Variants in DAB2IP observed in about 807,000 individuals in gnomAD.
DAB2IP encodes the protein disabled homolog 2-interacting protein.
Under a neutral mutation model 107.2 loss-of-function variants are expected in DAB2IP, and 28 were observed. The observed-to-expected ratio is 0.26, with a 90% CI of 0.19 to 0.36. DAB2IP has a LOEUF of 0.36. Among genes scored for constraint, DAB2IP ranks in the 10% least tolerant of loss-of-function variants. The pLI, the probability that DAB2IP is intolerant of heterozygous loss-of-function variation, is 1.00. For synonymous variants in DAB2IP, 755 were observed against 706.4 expected (o/e 1.07, Z -1.09); for missense variants, 1,400 against 1,644.7 (o/e 0.85, Z 2.57).
chr9:121,668,907 C>CTTTTTTTTT (rs377320590), intron 1 of DAB2IP, among the ~76,000 whole-genome samples: 2 of 72,154 alleles, frequency 2.8e-5, no homozygotes, highest in African/African-American at 6.0e-5. Flanking sequence ...GTAAGCCTTA[C>CTTTTTTTTT]TTTTTTTTTT....
rs561217283 is a variant in DAB2IP at position 121,635,645 on chromosome 9, C to A, written c.41-43033C>A. Among the ~76,000 whole-genome samples, 1 of 152,300 alleles carries A rather than the reference C, an allele frequency of 6.6e-6. No homozygotes were observed. The highest frequency in any genetic ancestry group is 2.1e-4 in the South Asian group (1 of 4,822). ...GGAAGGAGGGGCGCTGAGATGGGAG[C>A]GAGGCCTTGGACAAGAAAGGATATC... On this transcript the variant is annotated intron_variant, in intron 1 of 16. Coordinates refer to the DAB2IP transcript ENST00000259371. This position sits in a 1 kb window ranked among gnomAD's most constrained non-coding sequence, Gnocchi z 4.3.
Position 121,622,290 on chromosome 9 carries a change from G to A in DAB2IP, c.40+55062G>A, listed in dbSNP as rs187064112. Among the ~76,000 whole-genome samples the A allele has an allele frequency of 2.4e-3, 363 of 152,218 alleles. 9 individuals carry two copies. The highest frequency in any genetic ancestry group is 0.022 in the Admixed American group (331 of 15,290). On this transcript the variant is annotated intron_variant, in intron 1 of 16. Coordinates refer to the DAB2IP transcript ENST00000259371. ...GGCGTGAGCCACCGCACCCGGCCCC[G>A]TTTGTGTTTCTTACCCTCCCCTTGG...
chr9:121,688,724 G>T (rs528721002), intron 2 of DAB2IP, among the ~76,000 whole-genome samples: 1 of 152,342 alleles, frequency 6.6e-6, no homozygotes, highest in South Asian at 2.1e-4. Context: ...TGAACTCCCA[G>T]CACTGGGGCA....
chr9:121,739,088 C>G (rs1832136528), intron 3 of DAB2IP, among the ~76,000 whole-genome samples: 1 of 152,202 alleles, frequency 6.6e-6, no homozygotes, highest in Non-Finnish European at 1.5e-5. Context: ...GCTGCATGAG[C>G]AAGATGCTAT....
At chr9:121,763,756 A>G (rs754053381) in exon 8 of DAB2IP, 2 of 1,614,082 alleles carry the variant, frequency 1.2e-6, no homozygotes, top group Non-Finnish European at 1.7e-6. Context: ...AAAGCGCTGT[A>G]TGAGTCAGAT....
At chr9:121,714,985 C>G (rs1173965078) in intron 3 of DAB2IP, among the ~76,000 whole-genome samples, 2 of 152,252 alleles carry the variant, frequency 1.3e-5, no homozygotes, top group African/African-American at 4.8e-5. Context: ...TTTCTCGTTT[C>G]ACAAGCGAGG....
intron 1 of DAB2IP, among the ~76,000 whole-genome samples, chr9:121,596,868 T>C (rs1277011546): frequency 1.3e-5 from 2 of 152,204 alleles, no homozygotes; most frequent in Non-Finnish European, 2.9e-5. Context: ...CACAGGACAG[T>C]TCTCCAGACT....
intron 2 of DAB2IP, among the ~76,000 whole-genome samples, chr9:121,681,853 G>A (rs1345528333): frequency 6.6e-6 from 1 of 152,162 alleles, no homozygotes; most frequent in Non-Finnish European, 1.5e-5. Context: ...GAGCCTCTCC[G>A]AGCCTTGTGT....
chr9:121,677,235 G>T lies in DAB2IP; in HGVS notation c.125-1443G>T, dbSNP rs529257578. On this transcript the variant is annotated intron_variant, in intron 1 of 15. Coordinates refer to ENST00000408936, the Ensembl canonical transcript of DAB2IP. ...CAGATTCTCATGTTTGAAAAAACGT[G>T]GGGGCTGACATAGTGGCTGAGCCCT... Among the ~76,000 whole-genome samples, 5 of 152,314 alleles carry T rather than the reference G, an allele frequency of 3.3e-5. No homozygotes were observed. The East Asian group carries it at 9.7e-4, about 29-fold the overall frequency.
At chr9:121,615,326 C>T (rs1260604068) in intron 1 of DAB2IP, among the ~76,000 whole-genome samples, 1 of 152,198 alleles carries the variant, frequency 6.6e-6, no homozygotes, top group Non-Finnish European at 1.5e-5. Context: ...TTGTTTACTC[C>T]AGAACTTTCC....
chr9:121,595,332 C>A (rs1026079417), intron 1 of DAB2IP, among the ~76,000 whole-genome samples: 11 of 152,012 alleles, frequency 7.2e-5, no homozygotes, highest in African/African-American at 2.7e-4. Flanking sequence ...GTGGCTTATA[C>A]CTGTAATCCC....
chr9:121,675,932 G>A (rs1162816138), intron 1 of DAB2IP, among the ~76,000 whole-genome samples: 2 of 152,184 alleles, frequency 1.3e-5, no homozygotes, highest in African/African-American at 4.8e-5. Flanking sequence ...AGAAAGAGTG[G>A]TTATCCCCTG....
chr9:121,669,823 T>C lies in DAB2IP; in HGVS notation c.125-8855T>C, dbSNP rs116381226. On this transcript the variant is annotated intron_variant, in intron 1 of 15. Transcript: ENST00000408936. ...GGCCTCAGAGTAACCTTGTCTGAGGTTGTGTCTTTTGCGATTATGTCTAAA... is the reference window on the plus strand; with the variant it reads ...GGCCTCAGAGTAACCTTGTCTGAGGCTGTGTCTTTTGCGATTATGTCTAAA... Among the ~76,000 whole-genome samples, 1,050 of 152,278 alleles carry C rather than the reference T, an allele frequency of 6.9e-3. 13 individuals carry two copies. Among genetic ancestry groups the C allele is most frequent in the African/African-American group, 0.024 (985 of 41,548 alleles).
rs1261117862 is a variant in DAB2IP at position 121,781,756 on chromosome 9, TCCC to T, written c.3402+207_3402+209del. ...GCTGTGAAAGGAGAGAGGCAGCTCC[TCCC>T]CTGCCAGGGCTCTTGGCGGGCATTG... On this transcript the variant is annotated intron_variant, in intron 15 of 15. Transcript: ENST00000408936. Among the ~76,000 whole-genome samples the T allele has an allele frequency of 1.7e-4, 26 of 151,770 alleles. 1 individual carries two copies. Among genetic ancestry groups the T allele is most frequent in the Admixed American group, 1.7e-3 (26 of 15,286 alleles).
At chr9:121,615,127 G>A (rs968206942) in intron 1 of DAB2IP, among the ~76,000 whole-genome samples, 3 of 152,098 alleles carry the variant, frequency 2.0e-5, no homozygotes, top group Non-Finnish European at 4.4e-5. Context: ...TCCTTGTTAC[G>A]CCTTATGTCT....
In DAB2IP at chr9:121,699,358, A is replaced by C; in HGVS notation, c.262A>C (p.Lys88Gln). The C allele has an allele frequency of 1.4e-6, 2 of 1,447,314 alleles. No individual in the cohort carries two copies. Among genetic ancestry groups the C allele is most frequent in the Non-Finnish European group, 1.8e-6 (2 of 1,086,972 alleles). 89.7% of individuals were successfully genotyped at this position (1,447,314 alleles called of 1,614,324 possible). A position where few individuals can be genotyped will look rare whatever the true frequency, so the allele number is the denominator to read the frequency against. Residue 88 changes from lysine (K) to glutamine (Q), a missense_variant, in exon 3 of 16, where the codon AAG becomes CAG. By Grantham distance (53) the Lys-to-Gln change is moderately conservative (BLOSUM62 1). Transcript: ENST00000408936. This position sits in a 1 kb window ranked among gnomAD's most constrained non-coding sequence, Gnocchi z 6.2. ...CAGCCGCCGCCTCAAGGGCTCCATC[A>C]AGCGCACCAAGAGCCAGCCCAAGCT...
intron 1 of DAB2IP, among the ~76,000 whole-genome samples, chr9:121,657,251 T>G (rs1833007018): frequency 6.6e-6 from 1 of 152,112 alleles, no homozygotes; most frequent in Non-Finnish European, 1.5e-5. Flanking sequence ...TGGTGTGAGG[T>G]CCCTGGAGCC....
chr9:121,633,595 T>A lies in DAB2IP; in HGVS notation c.41-45083T>A, dbSNP rs1211885677. Among the ~76,000 whole-genome samples the A allele has an allele frequency of 2.0e-5, 3 of 152,194 alleles. No individual in the cohort carries two copies. The highest frequency in any genetic ancestry group is 7.2e-5 in the African/African-American group (3 of 41,438). ...CTCTGGGAACTCGAGGAGACTCTTT[T>A]CATTAGGCTTTTAAGACCTGGCAGG... On this transcript the variant is annotated intron_variant, in intron 1 of 16. Transcript: ENST00000259371. This position sits in a 1 kb window ranked among gnomAD's most constrained non-coding sequence, Gnocchi z 5.1.
intron 3 of DAB2IP, among the ~76,000 whole-genome samples, chr9:121,747,362 C>CTTTA: frequency 7.7e-6 from 1 of 130,280 alleles, no homozygotes; most frequent in African/African-American, 3.1e-5. Flanking sequence ...TTTTTTTTTC[C>CTTTA]CCTGAGACAG....
Sources: allele counts gnomAD v4.1 joint callset (sites outside exome capture counted in the v4.1 genomes callset), GRCh38; gene constraint gnomAD v4.1.1; non-coding constraint Gnocchi (gnomAD v3.1); transcripts MANE v1.5; gene names NCBI Gene and HGNC (gene_info 2026-07-23, HGNC 2026-07-21).